FOXP2: variants seen among roughly 807,000 people sequenced by gnomAD.
The protein encoded by FOXP2 is forkhead box P2.
A neutral mutation model predicts 115.8 loss-of-function variants in FOXP2; 12 were observed. The observed-to-expected ratio is 0.10, with a 90% confidence interval of 0.07 to 0.17. The LOEUF (loss-of-function observed/expected upper bound fraction) is 0.17, where lower values mean the gene tolerates loss of function less well. Ranked by LOEUF, FOXP2 falls within the 10% of genes least tolerant of loss-of-function variation. The probability of loss-of-function intolerance (pLI) is 1.00; values close to 1 mark genes in which losing one functional copy is unlikely to be tolerated. For synonymous variants in FOXP2, 328 were observed against 297.7 expected (o/e 1.10, Z -1.05); for missense variants, 629 against 843.5 (o/e 0.75, Z 3.15).
intron 3 of FOXP2, among the ~76,000 whole-genome samples, chr7:114,625,390 C>T (rs1804501603): frequency 6.6e-6 from 1 of 151,704 alleles, no homozygotes; most frequent in Non-Finnish European, 1.5e-5. Context: ...AATCAAATTA[C>T]ATATCTAGCG....
intron 2 of FOXP2, among the ~76,000 whole-genome samples, chr7:114,464,117 T>A (rs1795703630): frequency 6.6e-6 from 1 of 152,160 alleles, no homozygotes; most frequent in African/African-American, 2.4e-5. Context: ...TTGATAACAT[T>A]TGTAAATGAG....
intron 1 of FOXP2, among the ~76,000 whole-genome samples, chr7:114,266,887 G>T (rs1442510581): frequency 6.6e-6 from 1 of 152,148 alleles, no homozygotes; most frequent in Non-Finnish European, 1.5e-5. Context: ...AGTGCCAACT[G>T]TGAGCTAAAT....
chr7:114,160,111 C>CG (rs763336524), upstream of FOXP2, among the ~76,000 whole-genome samples: 13 of 152,174 alleles, frequency 8.5e-5, no homozygotes, highest in Non-Finnish European at 1.6e-4. Context: ...TTCTTTACAG[C>CG]AAGTTATGGC....
At chr7:114,385,233 C>T (rs1792416138) in intron 2 of FOXP2, among the ~76,000 whole-genome samples, 1 of 152,068 alleles carries the variant, frequency 6.6e-6, no homozygotes, top group South Asian at 2.1e-4. Flanking sequence ...CATAGAGCCT[C>T]CTTAGATCCC....
At chr7:114,270,945 G>A (rs1224616054) in intron 1 of FOXP2, among the ~76,000 whole-genome samples, 17 of 151,824 alleles carry the variant, frequency 1.1e-4, no homozygotes, top group Admixed American at 1.1e-3. Flanking sequence ...TCCATTTTGA[G>A]TTAAAGGTCT....
At chr7:114,525,395 A>G (rs546084495) in intron 2 of FOXP2, among the ~76,000 whole-genome samples, 4 of 152,342 alleles carry the variant, frequency 2.6e-5, no homozygotes, top group South Asian at 2.1e-4. Flanking sequence ...TTAGAGCAGT[A>G]GAAAAGTAAG....
intron 16 of FOXP2, among the ~76,000 whole-genome samples, chr7:114,684,069 G>A (rs895638933): frequency 1.3e-5 from 2 of 152,046 alleles, no homozygotes; most frequent in Non-Finnish European, 2.9e-5. Context: ...TTTAGAGACA[G>A]GGTCTTGCTT....
intron 2 of FOXP2, among the ~76,000 whole-genome samples, chr7:114,341,401 T>C (rs1467396871): frequency 6.6e-6 from 1 of 151,246 alleles, no homozygotes; most frequent in Non-Finnish European, 1.5e-5. Flanking sequence ...AATCTTATGA[T>C]TGATTAAATA....
intron 2 of FOXP2, among the ~76,000 whole-genome samples, chr7:114,365,015 A>G (rs1181926803): frequency 6.6e-6 from 1 of 152,200 alleles, no homozygotes; most frequent in Non-Finnish European, 1.5e-5. Context: ...AACTCAGTTT[A>G]CTTCAGCATA....
At chr7:114,267,230 G>T (rs1395472001) in intron 1 of FOXP2, among the ~76,000 whole-genome samples, 1 of 152,016 alleles carries the variant, frequency 6.6e-6, no homozygotes, top group Non-Finnish European at 1.5e-5. Flanking sequence ...AGATCCTAAA[G>T]AAAGCAGCCT....
At chr7:114,448,335 A>G (rs902400326) in intron 2 of FOXP2, among the ~76,000 whole-genome samples, 1 of 152,112 alleles carries the variant, frequency 6.6e-6, no homozygotes, top group Non-Finnish European at 1.5e-5. Flanking sequence ...TAGACTTTAT[A>G]TCTCCTTTGA....
At chr7:114,173,436 T>C (rs1015891336) in intron 1 of FOXP2, among the ~76,000 whole-genome samples, 49 of 151,856 alleles carry the variant, frequency 3.2e-4, no homozygotes, top group African/African-American at 9.9e-4. Flanking sequence ...AGGTGGTTAA[T>C]TTTCCCAGGA....
At chr7:114,620,860 A>G (rs1804212559) in intron 3 of FOXP2, among the ~76,000 whole-genome samples, 8 of 152,048 alleles carry the variant, frequency 5.3e-5, no homozygotes, top group Admixed American at 4.6e-4. Context: ...GGTATCTACT[A>G]TGTACTTTCA....
At chr7:114,372,185 A>G (rs1019963600) in intron 2 of FOXP2, among the ~76,000 whole-genome samples, 10 of 152,198 alleles carry the variant, frequency 6.6e-5, no homozygotes, top group African/African-American at 1.9e-4. Flanking sequence ...AAACTTAACT[A>G]TAACAAAAAT....
intron 2 of FOXP2, among the ~76,000 whole-genome samples, chr7:114,346,025 A>T (rs1418117983): frequency 6.6e-6 from 1 of 151,804 alleles, no homozygotes; most frequent in East Asian, 1.9e-4. Flanking sequence ...TTATTCACAA[A>T]GATAATTGAT....
chr7:114,680,803 A>G (rs1211267835), intron 16 of FOXP2, among the ~76,000 whole-genome samples: 1 of 152,158 alleles, frequency 6.6e-6, no homozygotes, highest in African/African-American at 2.4e-5. Context: ...AAAGTAGTGC[A>G]TAAATTTCAA....
At chr7:114,311,349 A>T (rs1190069828) in intron 2 of FOXP2, among the ~76,000 whole-genome samples, 1 of 152,176 alleles carries the variant, frequency 6.6e-6, no homozygotes, top group Non-Finnish European at 1.5e-5. Flanking sequence ...ACAAAGGGGC[A>T]GTGGTGATGG....
At chr7:114,462,411 G>C (rs753640846) in intron 2 of FOXP2, among the ~76,000 whole-genome samples, 101 of 104,804 alleles carry the variant, frequency 9.6e-4, no homozygotes, top group Admixed American at 1.4e-3. Context: ...TTGCTCAGTC[G>C]CCCAGGCTGA....
intron 2 of FOXP2, among the ~76,000 whole-genome samples, chr7:114,371,539 C>T (rs2694945): frequency 0.96 from 146,187 of 152,202 alleles, 70,475 homozygotes; most frequent in East Asian, 1. Flanking sequence ...AAGATATATG[C>T]TTTTCAGAGT....
Sources: gnomAD v4.1 joint callset for allele counts (sites outside exome capture counted in the v4.1 genomes callset) on GRCh38, gnomAD v4.1.1 for gene constraint, MANE v1.5 for transcripts, NCBI Gene and HGNC (gene_info 2026-07-23, HGNC 2026-07-21) for gene names.